The following GSK3B variants were observed in gnomAD, a reference collection of about 807,000 sequenced individuals.
GSK3B encodes the protein glycogen synthase kinase 3 beta.
GSK3B carries 15 observed loss-of-function variants against 56.4 expected under a neutral mutation model. The observed-to-expected ratio is 0.27, with a 90% CI of 0.18 to 0.41. The LOEUF (loss-of-function observed/expected upper bound fraction) is 0.41. GSK3B is among the 10% of genes least tolerant of loss of function. The probability of loss-of-function intolerance (pLI) is 1.00; values close to 1 mark genes in which losing one functional copy is unlikely to be tolerated. For synonymous variants in GSK3B, 181 were observed against 188.9 expected (o/e 0.96, Z 0.34); for missense variants, 300 against 513.4 (o/e 0.58, Z 4.02).
intron 2 of GSK3B, among the ~76,000 whole-genome samples, chr3:119,981,217 G>A (rs971164242): frequency 6.6e-6 from 1 of 152,188 alleles, no homozygotes; most frequent in Non-Finnish European, 1.5e-5. Flanking sequence ...TTTACTAAAA[G>A]TTAACAGCGT....
intron 7 of GSK3B, among the ~76,000 whole-genome samples, chr3:119,887,923 C>A (rs2056457262): frequency 6.6e-6 from 1 of 151,830 alleles, no homozygotes; most frequent in African/African-American, 2.4e-5. Context: ...ACAATGAAAG[C>A]CAGAAGAAAA....
At chr3:119,876,627 T>G (rs1023046211) in intron 7 of GSK3B, 119 bp from the exon 8 acceptor site, 5 of 645,852 alleles carry the variant, frequency 7.7e-6, no homozygotes, top group Non-Finnish European at 1.4e-5. Flanking sequence ...AATACGTAAC[T>G]CATTAAATAG....
At chr3:120,032,385 G>A (rs1282281226) in intron 1 of GSK3B, among the ~76,000 whole-genome samples, 1 of 151,860 alleles carries the variant, frequency 6.6e-6, no homozygotes, top group Non-Finnish European at 1.5e-5. Context: ...CAAGGCAGGA[G>A]AATCGCTTGA....
intron 9 of GSK3B, among the ~76,000 whole-genome samples, chr3:119,850,662 G>A: frequency 6.6e-6 from 1 of 152,140 alleles, no homozygotes; most frequent in Non-Finnish European, 1.5e-5. Flanking sequence ...AATGGAGTCA[G>A]TGAGGGTGAA....
intron 3 of GSK3B, among the ~76,000 whole-genome samples, chr3:119,944,508 T>C (rs2057081156): frequency 6.6e-6 from 1 of 152,216 alleles, no homozygotes; most frequent in African/African-American, 2.4e-5. Context: ...AAATGAAGAC[T>C]GGTCACCTCC....
intron 2 of GSK3B, among the ~76,000 whole-genome samples, chr3:119,951,204 T>C (rs2057153448): frequency 6.6e-6 from 1 of 152,132 alleles, no homozygotes; most frequent in African/African-American, 2.4e-5. Flanking sequence ...CCGGAGAAAG[T>C]AAAAGCCAAG....
chr3:119,839,691 G>A (rs780964332), intron 10 of GSK3B, among the ~76,000 whole-genome samples: 1 of 152,164 alleles, frequency 6.6e-6, no homozygotes, highest in Non-Finnish European at 1.5e-5. Flanking sequence ...TCAGGCTACT[G>A]AAAACAGGTT....
chr3:119,871,887 G>A (rs1015991342), intron 8 of GSK3B, among the ~76,000 whole-genome samples: 4 of 152,208 alleles, frequency 2.6e-5, no homozygotes, highest in Non-Finnish European at 5.9e-5. Flanking sequence ...AGATCAGCAG[G>A]CCTTAGGATT....
intron 3 of GSK3B, among the ~76,000 whole-genome samples, chr3:119,929,677 C>G (rs147732991): frequency 6.6e-6 from 1 of 151,548 alleles, no homozygotes; most frequent in Non-Finnish European, 1.5e-5. Context: ...CCGAGGTGGG[C>G]GGATCACCTG....
chr3:119,991,232 A>AT (rs748731891), intron 2 of GSK3B, among the ~76,000 whole-genome samples: 38 of 152,260 alleles, frequency 2.5e-4, no homozygotes, highest in Non-Finnish European at 5.3e-4. Flanking sequence ...CTCCTACATT[A>AT]ATTAGGTACC....
intron 2 of GSK3B, among the ~76,000 whole-genome samples, chr3:119,954,404 G>GT (rs944217281): frequency 2.2e-4 from 27 of 124,004 alleles, no homozygotes; most frequent in African/African-American, 3.4e-4. Flanking sequence ...TACAGTAAGG[G>GT]TTTTTTTCAT....
chr3:119,852,239 A>C (rs538107619), intron 9 of GSK3B, among the ~76,000 whole-genome samples: 61 of 152,206 alleles, frequency 4.0e-4, no homozygotes, highest in Non-Finnish European at 2.9e-5. Context: ...AAAATGTCTG[A>C]ATGCTTTTAT....
intron 1 of GSK3B, among the ~76,000 whole-genome samples, chr3:120,027,525 C>T (rs1357270438): frequency 6.6e-6 from 1 of 152,028 alleles, no homozygotes; most frequent in Non-Finnish European, 1.5e-5. Context: ...GCATTATTTA[C>T]CATATCAATA....
chr3:120,091,232 A>C (rs1461444139), intron 1 of GSK3B, among the ~76,000 whole-genome samples: 1 of 152,132 alleles, frequency 6.6e-6, no homozygotes, highest in Non-Finnish European at 1.5e-5. Context: ...ACAATTTCTT[A>C]TGTCTGTTTT....
intron 9 of GSK3B, among the ~76,000 whole-genome samples, chr3:119,854,037 G>T (rs2055980395): frequency 6.6e-6 from 1 of 152,128 alleles, no homozygotes; most frequent in South Asian, 2.1e-4. Context: ...TGCCCATTCA[G>T]TATGATATTG....
At chr3:120,002,566 T>A (rs1470566167) in intron 1 of GSK3B, among the ~76,000 whole-genome samples, 8 of 152,168 alleles carry the variant, frequency 5.3e-5, no homozygotes, top group Non-Finnish European at 8.8e-5. Flanking sequence ...CTTGAACTCC[T>A]GACCTCAGGT....
chr3:120,011,460 T>C (rs1179331113), intron 1 of GSK3B, among the ~76,000 whole-genome samples: 1 of 152,158 alleles, frequency 6.6e-6, no homozygotes, highest in Non-Finnish European at 1.5e-5. Context: ...ATAAGACAAT[T>C]CTGCTAAAGT....
intron 9 of GSK3B, among the ~76,000 whole-genome samples, chr3:119,858,890 G>T (rs1437426494): frequency 2.0e-5 from 3 of 152,132 alleles, no homozygotes; most frequent in Non-Finnish European, 4.4e-5. Flanking sequence ...GAGGGAGAGA[G>T]ATGGGGATTG....
chr3:119,949,870 G>GT (rs946108815), intron 2 of GSK3B, among the ~76,000 whole-genome samples: 9 of 149,636 alleles, frequency 6.0e-5, no homozygotes, highest in Non-Finnish European at 1.0e-4. Flanking sequence ...CAAGAGTTTC[G>GT]TTTTTTATCT....
Sources: gnomAD v4.1 joint callset for allele counts (sites outside exome capture counted in the v4.1 genomes callset) on GRCh38, gnomAD v4.1.1 for gene constraint, MANE v1.5 for transcripts, NCBI Gene and HGNC (gene_info 2026-07-23, HGNC 2026-07-21) for gene names.